GLI3: variants seen among roughly 807,000 people sequenced by gnomAD.
The protein encoded by GLI3 is transcription activator GLI3.
In GLI3, 20 loss-of-function variants were observed where a neutral mutation model predicts 100.8. The ratio of observed to expected loss-of-function variants is 0.20; its 90% confidence interval spans 0.14 to 0.29. GLI3 has a LOEUF of 0.29. GLI3 is among the 10% of genes least tolerant of loss of function. GLI3 has a pLI of 1.00. For synonymous variants in GLI3, 938 were observed against 860.5 expected (o/e 1.09, Z -1.58); for missense variants, 2,040 against 2,128.5 (o/e 0.96, Z 0.82).
chr7:42,006,496 T>C (rs996740932), intron 10 of GLI3, among the ~76,000 whole-genome samples: 1 of 152,186 alleles, frequency 6.6e-6, no homozygotes, highest in Admixed American at 6.5e-5. Context: ...TATGAAACAT[T>C]TCATTCATTT....
chr7:42,028,139 A>T (rs558429000), intron 7 of GLI3, among the ~76,000 whole-genome samples: 1 of 152,322 alleles, frequency 6.6e-6, no homozygotes, highest in South Asian at 2.1e-4. Context: ...CCTTTGGGTG[A>T]ATGAGTATTA....
intron 2 of GLI3, among the ~76,000 whole-genome samples, chr7:42,164,242 C>T (rs970171874): frequency 6.6e-6 from 1 of 152,172 alleles, no homozygotes. Flanking sequence ...ATCTAAAGAC[C>T]AGACATGGTG....
chr7:42,161,125 A>AT (rs1361106401), intron 2 of GLI3, among the ~76,000 whole-genome samples: 2 of 152,206 alleles, frequency 1.3e-5, no homozygotes, highest in Non-Finnish European at 2.9e-5. Context: ...CAAGCAAATT[A>AT]TTTTAGGGTG....
chr7:42,011,121 C>T (rs567673794), intron 10 of GLI3, among the ~76,000 whole-genome samples: 2 of 152,278 alleles, frequency 1.3e-5, no homozygotes, highest in Admixed American at 6.5e-5. Flanking sequence ...GGAAATGTGG[C>T]CACTGTAGAT....
intron 3 of GLI3, among the ~76,000 whole-genome samples, chr7:42,103,723 G>C (rs1311518161): frequency 7.2e-6 from 1 of 139,092 alleles, no homozygotes; most frequent in African/African-American, 2.5e-5. Flanking sequence ...GAGGCATAAA[G>C]ACACTAAATC....
intron 7 of GLI3, 46 bp from the exon 8 acceptor site, chr7:42,026,458 G>A: frequency 7.3e-7 from 1 of 1,372,506 alleles, no homozygotes; most frequent in Admixed American, 1.7e-5. Context: ...TAAACGCTGA[G>A]CTCAGACAAG....
chr7:41,964,909 G>A lies in GLI3; in HGVS notation c.4164C>T (p.Ser1388=), dbSNP rs776627669. 7.4e-6 allele frequency: 12 copies of A among 1,613,802 alleles called. No homozygotes were observed. In the Admixed American group the frequency reaches 1.2e-4, roughly 16 times the overall value. ...AVVRGYQPCA[S]FGGSRRQAMP... The stretch of plus-strand genomic sequence containing the variant: ...TAGCCTGGCGCCTGCTGCCCCCAAA[G>A]CTGGCACATGGCTGGTAGCCCCTGA... Residue 1388 remains serine (S), a synonymous_variant, in exon 15 of 15, where the codon AGC becomes AGT. Transcript: ENST00000395925.
chr7:42,219,264 T>C (rs1410912553), intron 2 of GLI3, among the ~76,000 whole-genome samples: 6 of 152,206 alleles, frequency 3.9e-5, no homozygotes, highest in Non-Finnish European at 8.8e-5. Context: ...CTAAATGTCA[T>C]CTCCTTCGTC....
rs1787381874 is a variant in GLI3, at chr7:41,972,228, AG to A, written c.2103+108del. On this transcript the variant is annotated intron_variant, in intron 13 of 14. Coordinates refer to ENST00000395925, the MANE Select transcript of GLI3 (RefSeq NM_000168.6). This position sits in a 1 kb window ranked among gnomAD's most constrained non-coding sequence, Gnocchi z 4.4. ...ACTGCCCTCATCGCCTCCTCAGATC[AG>A]AGACAGCCTGACACAGTGAGGACCG... 9.8e-7 allele frequency: 1 copy of A among 1,025,304 alleles called. No individual in the cohort carries two copies. Among genetic ancestry groups the A allele is most frequent in the African/African-American group, 1.6e-5 (1 of 63,672 alleles). The allele number at this position is 1,025,304 out of a possible 1,614,324, so 63.5% of individuals were successfully genotyped here. A position where few individuals can be genotyped will look rare whatever the true frequency, so the allele number is the denominator to read the frequency against.
At chr7:42,194,136 C>T (rs996225587) in intron 2 of GLI3, among the ~76,000 whole-genome samples, 1 of 152,190 alleles carries the variant, frequency 6.6e-6, no homozygotes, top group African/African-American at 2.4e-5. Context: ...CCATTTCATA[C>T]AGCAAACTGC....
chr7:42,050,556 A>G (rs1784333680), intron 4 of GLI3, among the ~76,000 whole-genome samples: 1 of 152,218 alleles, frequency 6.6e-6, no homozygotes, highest in South Asian at 2.1e-4. Flanking sequence ...TCATTCATTT[A>G]TTCTTCACAA....
intron 3 of GLI3, among the ~76,000 whole-genome samples, chr7:42,112,583 C>T (rs889978957): frequency 6.6e-6 from 1 of 151,628 alleles, no homozygotes; most frequent in African/African-American, 2.4e-5. Context: ...ATCACTTGTA[C>T]TTCATAAATA....
chr7:42,104,930 T>A (rs940698937), intron 3 of GLI3, among the ~76,000 whole-genome samples: 2 of 152,238 alleles, frequency 1.3e-5, no homozygotes, highest in Non-Finnish European at 2.9e-5. Flanking sequence ...TCCAGAACTG[T>A]GAGAAATAAA....
intron 1 of GLI3, among the ~76,000 whole-genome samples, chr7:42,235,560 C>T (rs1021031946): frequency 6.6e-6 from 1 of 152,160 alleles, no homozygotes; most frequent in Non-Finnish European, 1.5e-5. Flanking sequence ...ACAAAAATCA[C>T]ATTTAAGAGG....
At chr7:42,051,406 A>AAAG (rs1784348934) in intron 4 of GLI3, among the ~76,000 whole-genome samples, 1 of 152,214 alleles carries the variant, frequency 6.6e-6, no homozygotes, top group Non-Finnish European at 1.5e-5. Flanking sequence ...TGAGCCTAGT[A>AAAG]TATACTGAAT....
At chr7:41,980,273 T>C (rs1787622423) in intron 10 of GLI3, among the ~76,000 whole-genome samples, 1 of 152,158 alleles carries the variant, frequency 6.6e-6, no homozygotes, top group East Asian at 1.9e-4. Flanking sequence ...TCCATGTCAG[T>C]GTTTCTTTAA....
rs1787046396 is a variant in GLI3 at position 41,962,921 on chromosome 7, CTT to C, written c.*1407_*1408del. ...CAATATGCTGGAAAATCCATGTACT[CTT>C]TGTGCACACACAGTATGACTTTTAT... On this transcript the variant is annotated 3_prime_UTR_variant, in exon 15 of 15. Transcript: ENST00000395925. 2.0e-5 allele frequency: 3 copies of C among 152,186 alleles called. No individual in the cohort carries two copies. The highest frequency in any genetic ancestry group is 2.1e-4 in the South Asian group (1 of 4,822). The allele number at this position is 152,186 out of a possible 1,614,324, so 9.4% of individuals were successfully genotyped here.
At chr7:42,135,074 G>T (rs1185320954) in intron 3 of GLI3, among the ~76,000 whole-genome samples, 1 of 152,104 alleles carries the variant, frequency 6.6e-6, no homozygotes, top group African/African-American at 2.4e-5. Context: ...CCAGATCTAG[G>T]TCCTGCCTTT....
At chr7:41,968,760 G>GAAA (rs57861749) in intron 13 of GLI3, among the ~76,000 whole-genome samples, 2 of 78,824 alleles carry the variant, frequency 2.5e-5, no homozygotes, top group African/African-American at 9.7e-5. Flanking sequence ...AAGAAAGAAA[G>GAAA]AAGGAAAGAA....
Sources: gnomAD v4.1 joint callset for allele counts (sites outside exome capture counted in the v4.1 genomes callset) on GRCh38, gnomAD v4.1.1 for gene constraint, Gnocchi (gnomAD v3.1) non-coding constraint, MANE v1.5 for transcripts, NCBI Gene and HGNC (gene_info 2026-07-23, HGNC 2026-07-21) for gene names.